The following P2RY8 variants were observed in gnomAD, a reference collection of about 807,000 sequenced individuals.
P2RY8 encodes P2Y receptor family member 8, also known as S-geranylgeranyl-glutathione receptor P2RY8.
In P2RY8, 6 loss-of-function variants were observed where a neutral mutation model predicts 10.0. The ratio of observed to expected loss-of-function variants is 0.60; its 90% confidence interval spans 0.33 to 1.19. The LOEUF (loss-of-function observed/expected upper bound fraction) is 1.19. Among genes scored for constraint, P2RY8 ranks in the 50% most tolerant of loss-of-function variants. P2RY8 has a pLI of 0.04. For synonymous variants in P2RY8, 276 were observed against 252.5 expected, an observed-to-expected ratio of 1.09 and a Z score of -0.88; for missense variants, 456 against 542.0, an observed-to-expected ratio of 0.84 and a Z score of 1.58.
intron 1 of P2RY8, among the ~76,000 whole-genome samples, chrX:1,484,554 G>A (rs1176920490): frequency 1.3e-5 from 2 of 151,126 alleles, no homozygotes; most frequent in Admixed American, 6.6e-5. Flanking sequence ...GCAAAGCCTC[G>A]TCTGTACTAA....
In P2RY8 at chrX:1,465,366, A is replaced by G. The variant is rs1464358770; in HGVS notation, c.*113T>C. The G allele has an allele frequency of 3.4e-6, 5 of 1,483,254 alleles. No individual in the cohort carries two copies. Among genetic ancestry groups the G allele is most frequent in the African/African-American group, 1.4e-5 (1 of 71,206 alleles). The allele number at this position is 1,483,254 out of a possible 1,614,324, so 91.9% of individuals were successfully genotyped here. ...AGACCCTTCCCCACCGGGCCTCTGC[A>G]GTGCCTGGGAGCAACGCAGCTGTTC... On this transcript the variant is annotated 3_prime_UTR_variant, in exon 2 of 2. Transcript: ENST00000381297.
chrX:1,503,971 G>A (rs532177210), intron 1 of P2RY8, among the ~76,000 whole-genome samples: 5 of 152,194 alleles, frequency 3.3e-5, no homozygotes, highest in African/African-American at 1.2e-4. Context: ...TCATGTTGGT[G>A]TTTTACAGGC....
intron 1 of P2RY8, among the ~76,000 whole-genome samples, chrX:1,488,311 T>C (rs1215789330): frequency 6.6e-6 from 1 of 152,194 alleles, no homozygotes; most frequent in African/African-American, 2.4e-5. Context: ...TGACTACTAC[T>C]CAAAGGCTGG....
chrX:1,529,671 A>ATATC, intron 1 of P2RY8, among the ~76,000 whole-genome samples: 1 of 152,180 alleles, frequency 6.6e-6, no homozygotes, highest in African/African-American at 2.4e-5. Flanking sequence ...CTATCCATCT[A>ATATC]TATCTATCTA....
intron 1 of P2RY8, among the ~76,000 whole-genome samples, chrX:1,532,261 GAC>G (rs1371995991): frequency 2.0e-5 from 3 of 150,950 alleles, no homozygotes; most frequent in Non-Finnish European, 1.5e-5. Context: ...TGCCGGCACT[GAC>G]ACACACACAA....
In P2RY8 at chrX:1,485,770, T is replaced by C. The variant is rs1603456838; in HGVS notation, c.-24-19188A>G. ...ATTGTATAGTATCATTTATATGTTATATATAATTTGTGTATTATATGTAAC... is the reference window on the plus strand; with the variant it reads ...ATTGTATAGTATCATTTATATGTTACATATAATTTGTGTATTATATGTAAC... On this transcript the variant is annotated intron_variant, in intron 1 of 1. Transcript: ENST00000381297. Among the ~76,000 whole-genome samples the C allele has an allele frequency of 2.0e-5, 3 of 149,148 alleles. No individual in the cohort carries two copies. The Admixed American group carries it at 2.0e-4, about 10-fold the overall frequency.
chrX:1,529,510 C>T (rs1266595833), intron 1 of P2RY8, among the ~76,000 whole-genome samples: 1 of 151,932 alleles, frequency 6.6e-6, no homozygotes, highest in East Asian at 1.9e-4. Context: ...AGGGTGTACT[C>T]CTGGGGCGTG....
chrX:1,463,139 C>A lies in P2RY8; in HGVS notation c.*2340G>T, dbSNP rs183482269. 4.3e-6 allele frequency: 1 copy of A among 233,240 alleles called. No homozygotes were observed. Among genetic ancestry groups the A allele is most frequent in the Admixed American group, 5.6e-5 (1 of 17,774 alleles). 14.4% of individuals were successfully genotyped at this position (233,240 alleles called of 1,614,324 possible). A position where few individuals can be genotyped will look rare whatever the true frequency, so the allele number is the denominator to read the frequency against. On this transcript the variant is annotated 3_prime_UTR_variant, in exon 2 of 2. Transcript: ENST00000381297. ...CAGTTTAGGGATCGTCCGTGCGTTA[C>A]TGTGAAGATGCTACTCTGAGGTTTT...
chrX:1,509,343 TCATCCATCCATC>T (rs745416588), intron 1 of P2RY8, among the ~76,000 whole-genome samples: 114 of 140,082 alleles, frequency 8.1e-4, no homozygotes, highest in African/African-American at 2.8e-3. Context: ...TATCTATCCA[TCATCCATCCATC>T]CATCCATCCA....
chrX:1,517,990 T>C (rs748872933), intron 1 of P2RY8, among the ~76,000 whole-genome samples: 2 of 151,286 alleles, frequency 1.3e-5, no homozygotes, highest in East Asian at 3.9e-4. Context: ...GCACCTGTAA[T>C]CCCAGCTACT....
In P2RY8 at chrX:1,465,512, C is replaced by T. The variant is rs139149007; in HGVS notation, c.1047G>A (p.Arg349=). 1.9e-6 allele frequency: 3 copies of T among 1,610,350 alleles called. No individual in the cohort carries two copies. The Admixed American group carries it at 5.0e-5, about 27-fold the overall frequency. Residue 349 remains arginine, a synonymous_variant, in exon 2 of 2, where the codon AGG becomes AGA. Transcript: ENST00000381297. ...AHPEGMEGAT[R]PGLQRQESVF ...CACTCTCCTGCCTCTGGAGGCCGGG[C>T]CTGGTGGCTCCCTCCATCCCTTCAG... is the stretch of plus-strand genomic sequence containing the variant.
intron 1 of P2RY8, among the ~76,000 whole-genome samples, chrX:1,511,368 A>G (rs2092296564): frequency 2.0e-5 from 3 of 152,266 alleles, no homozygotes; most frequent in South Asian, 2.1e-4. Context: ...CCTGTTGAAT[A>G]CAAGTATGCT....
chrX:1,491,972 C>T (rs760682857), intron 1 of P2RY8, among the ~76,000 whole-genome samples: 1 of 152,180 alleles, frequency 6.6e-6, no homozygotes, highest in Non-Finnish European at 1.5e-5. Context: ...GCAGTGTGGA[C>T]GTTAGCCCCA....
chrX:1,517,709 G>A (rs564161681), intron 1 of P2RY8, among the ~76,000 whole-genome samples: 2 of 152,266 alleles, frequency 1.3e-5, no homozygotes, highest in African/African-American at 2.4e-5. Context: ...AGACCCAAGC[G>A]AGGTCTCAGA....
Position 1,466,342 on chromosome X carries a change from C to A in P2RY8, c.217G>T (p.Ala73Ser), listed in dbSNP as rs757349479. ...TAGATTTGGAAAGGCAACACGCTGG[C>A]CAGCATCAGGTCCGTGACGCTCAGG... ...INLSVTDLMLASVLPFQIYYH... is the reference protein window; with the variant it reads ...INLSVTDLMLSSVLPFQIYYH... The change falls in exon 2 of 2, where the codon GCC (alanine) becomes TCC (serine). Residue 73 changes from alanine (A) to serine (S), a missense_variant. Coordinates refer to ENST00000381297, the MANE Select transcript of P2RY8 (RefSeq NM_178129.5). 2 of 1,613,724 alleles carry A rather than the reference C, an allele frequency of 1.2e-6. No homozygotes were observed. The highest frequency in any genetic ancestry group is 2.7e-5 in the African/African-American group (2 of 74,916).
At chrX:1,500,551 TCTC>T (rs777439889) in intron 1 of P2RY8, among the ~76,000 whole-genome samples, 1 of 151,906 alleles carries the variant, frequency 6.6e-6, no homozygotes, top group African/African-American at 2.4e-5. Context: ...TTCAAGTGAT[TCTC>T]CTGCCTCAGC....
chrX:1,527,268 C>CTCAT (rs1262468928), intron 1 of P2RY8, among the ~76,000 whole-genome samples: 2 of 152,118 alleles, frequency 1.3e-5, no homozygotes, highest in South Asian at 4.1e-4. Context: ...CATTCATCTA[C>CTCAT]TCATTCATTC....
chrX:1,529,984 C>T (rs368843761), intron 1 of P2RY8, among the ~76,000 whole-genome samples: 3 of 152,004 alleles, frequency 2.0e-5, no homozygotes, highest in South Asian at 4.2e-4. Context: ...CACAGGATGG[C>T]CCCACCACAG....
Position 1,465,953 on chromosome X carries a change from G to A in P2RY8, c.606C>T (p.Phe202=), listed in dbSNP as rs2149369714. 2 of 1,612,468 alleles carry A rather than the reference G, an allele frequency of 1.2e-6. No individual in the cohort carries two copies. The highest frequency in any genetic ancestry group is 1.1e-5 in the South Asian group (1 of 91,030). The change falls in exon 2 of 2, where the codon TTC becomes TTT. Residue 202 remains phenylalanine, a synonymous_variant. Coordinates refer to ENST00000381297, the MANE Select transcript of P2RY8 (RefSeq NM_178129.5). Reference sequence around the variant, plus strand: ...CCACGGTGATCACGAACGGGATGAGGAACAGCAGGATGAAGATGGTGAAGA... The same window carrying A: ...CCACGGTGATCACGAACGGGATGAGAAACAGCAGGATGAAGATGGTGAAGA... ...VFLFTIFILL[F]LIPFVITVAC... is the part of the protein sequence containing the mutation.
Sources: allele counts gnomAD v4.1 joint callset (sites outside exome capture counted in the v4.1 genomes callset), GRCh38; gene constraint gnomAD v4.1.1; transcripts MANE v1.5; gene names NCBI Gene and HGNC (gene_info 2026-07-23, HGNC 2026-07-21).